FAM53A: variants seen among roughly 807,000 people sequenced by gnomAD.
FAM53A encodes the protein protein FAM53A.
In FAM53A, 28 loss-of-function variants were observed where a neutral mutation model predicts 26.6. The ratio of observed to expected loss-of-function variants is 1.05; its 90% CI spans 0.78 to 1.45. FAM53A has a LOEUF of 1.45. Ranked by LOEUF, FAM53A falls within the 40% of genes most tolerant of loss-of-function variation. The pLI is 0.00. For missense variants in FAM53A, 650 were observed against 575.8 expected (o/e 1.13, Z -1.32); for synonymous variants, 290 against 253.1 (o/e 1.15, Z -1.38).
At chr4:1,685,861 G>A (rs750734163), upstream of FAM53A, among the ~76,000 whole-genome samples, 2 of 152,204 alleles carry the variant, frequency 1.3e-5, no homozygotes, top group Non-Finnish European at 2.9e-5. Flanking sequence ...TGCCCGGGGC[G>A]AGGCTCTGCC....
downstream of FAM53A, among the ~76,000 whole-genome samples, chr4:1,638,939 A>T (rs1437816470): frequency 6.6e-6 from 1 of 152,168 alleles, no homozygotes; most frequent in Non-Finnish European, 1.5e-5. Flanking sequence ...CGCCGGGTGG[A>T]CTCAGCGTAG....
chr4:1,604,703 C>T, the FAM53A span, among the ~76,000 whole-genome samples: 4 of 152,112 alleles, frequency 2.6e-5, no homozygotes, highest in Non-Finnish European at 4.4e-5. Flanking sequence ...GGGCCCTTCC[C>T]GGGACTAACA....
the FAM53A span, among the ~76,000 whole-genome samples, chr4:1,610,717 G>A: frequency 2.0e-5 from 3 of 152,086 alleles, no homozygotes; most frequent in Non-Finnish European, 2.9e-5. Context: ...TGAGGTGGCT[G>A]TGACCCCAGG....
At chr4:1,577,469 A>C in the FAM53A span, among the ~76,000 whole-genome samples, 1 of 152,168 alleles carries the variant, frequency 6.6e-6, no homozygotes, top group African/African-American at 2.4e-5. Context: ...CACCTCGTGG[A>C]CTGCTGGCCA....
At chr4:1,672,569 C>A (rs930600342) in intron 1 of FAM53A, among the ~76,000 whole-genome samples, 1 of 152,120 alleles carries the variant, frequency 6.6e-6, no homozygotes, top group African/African-American at 2.4e-5. Flanking sequence ...GATGCTGGAC[C>A]CGCAGAGAAC....
chr4:1,620,998 A>C (rs76723831), intron 1 of FAM53A, among the ~76,000 whole-genome samples: 4,924 of 152,150 alleles, frequency 0.032, 297 homozygotes, highest in African/African-American at 0.11. Context: ...TCATGGTTCA[A>C]ATGGCTGCCA....
At chr4:1,584,688 A>G in the FAM53A span, among the ~76,000 whole-genome samples, 3 of 152,226 alleles carry the variant, frequency 2.0e-5, no homozygotes, top group Non-Finnish European at 4.4e-5. Flanking sequence ...CTGGGCTGTC[A>G]ACACAAATGC....
the FAM53A span, among the ~76,000 whole-genome samples, chr4:1,604,539 G>A: frequency 6.6e-6 from 1 of 152,014 alleles, no homozygotes; most frequent in Middle Eastern, 3.4e-3. Flanking sequence ...AAAGCCGCAC[G>A]GCGCCCTGGC....
At chr4:1,604,953 C>T in the FAM53A span, among the ~76,000 whole-genome samples, 4 of 152,096 alleles carry the variant, frequency 2.6e-5, no homozygotes, top group Admixed American at 1.3e-4. Flanking sequence ...CCTCTCAACA[C>T]GCACGTGGGG....
intron 1 of FAM53A, among the ~76,000 whole-genome samples, chr4:1,627,210 G>A (rs1233272440): frequency 2.0e-5 from 3 of 152,176 alleles, no homozygotes; most frequent in South Asian, 2.1e-4. Context: ...TGGGCACTCA[G>A]GGCCCAGCCC....
chr4:1,656,300 CCTGT>C (rs1403692569), intron 3 of FAM53A, among the ~76,000 whole-genome samples: 1 of 152,206 alleles, frequency 6.6e-6, no homozygotes, highest in Non-Finnish European at 1.5e-5. Flanking sequence ...CCTGGGGTTG[CCTGT>C]CTAACGCGCT....
chr4:1,649,493 G>C (rs1397441599), intron 4 of FAM53A, among the ~76,000 whole-genome samples: 2 of 152,238 alleles, frequency 1.3e-5, no homozygotes, highest in Non-Finnish European at 2.9e-5. Flanking sequence ...CTGAGTAAGG[G>C]CTAGACAGAG....
the FAM53A span, among the ~76,000 whole-genome samples, chr4:1,575,377 G>A: frequency 1.3e-5 from 2 of 152,176 alleles, no homozygotes; most frequent in African/African-American, 4.8e-5. Flanking sequence ...CATCATCCAA[G>A]GTGCAGACTG....
At chr4:1,592,208 GA>G in the FAM53A span, among the ~76,000 whole-genome samples, 6 of 150,812 alleles carry the variant, frequency 4.0e-5, no homozygotes, top group African/African-American at 1.5e-4. Flanking sequence ...ACACCCCAGG[GA>G]AAAAAAAATG....
chr4:1,657,301 T>C, intron 3 of FAM53A, 107 bp downstream of exon 3: 1 of 1,042,866 alleles, frequency 9.6e-7, no homozygotes, highest in Non-Finnish European at 1.4e-6. Flanking sequence ...AACACCTTCC[T>C]GGGCTTCTGC....
rs1466042455 is a variant in FAM53A at position 1,640,952 on chromosome 4, G to A, written c.*341C>T. 1 of 418,994 alleles carries A rather than the reference G, an allele frequency of 2.4e-6. No individual in the cohort carries two copies. Among genetic ancestry groups the A allele is most frequent in the African/African-American group, 2.4e-5 (1 of 41,790 alleles). 26.0% of individuals were successfully genotyped at this position (418,994 alleles called of 1,614,324 possible). On this transcript the variant is annotated 3_prime_UTR_variant, in exon 5 of 5. Transcript: ENST00000308132. ...CTAGTCTGTGCCCCAGGGCAGTGCA[G>A]GCGGCAGCCGTGGCCCCGACCAGCT...
the FAM53A span, among the ~76,000 whole-genome samples, chr4:1,589,941 A>G: frequency 1.3e-5 from 2 of 152,024 alleles, no homozygotes; most frequent in African/African-American, 4.8e-5. Context: ...CCTTAGCTAT[A>G]TCTTTAGTTC....
chr4:1,660,263 A>G (rs1713729083), intron 2 of FAM53A, among the ~76,000 whole-genome samples: 1 of 151,974 alleles, frequency 6.6e-6, no homozygotes, highest in East Asian at 1.9e-4. Context: ...AGCCTGGGCA[A>G]CAAGAGCAAG....
chr4:1,640,551 A>G lies in FAM53A; in HGVS notation c.*742T>C, dbSNP rs1711585038. On this transcript the variant is annotated 3_prime_UTR_variant, in exon 5 of 5. Coordinates refer to ENST00000308132, the MANE Select transcript of FAM53A (RefSeq NM_001174070.3). ...CTCCCGAACTGCAAAAGCCATAAAA[A>G]TGCAAAATGCTTCTTTAGGAAAAAC... 2 of 333,094 alleles carry G rather than the reference A, an allele frequency of 6.0e-6. No homozygotes were observed. Among genetic ancestry groups the G allele is most frequent in the African/African-American group, 4.6e-5 (2 of 43,772 alleles). The allele number at this position is 333,094 out of a possible 1,614,324, so 20.6% of individuals were successfully genotyped here.
Sources: allele counts gnomAD v4.1 joint callset (sites outside exome capture counted in the v4.1 genomes callset), GRCh38; gene constraint gnomAD v4.1.1; transcripts MANE v1.5; gene names NCBI Gene and HGNC (gene_info 2026-07-23, HGNC 2026-07-21).